Variants in FAM135B observed in about 807,000 individuals in gnomAD.
FAM135B encodes the protein family with sequence similarity 135 member B, also known as protein FAM135B.
Under a neutral mutation model 127.7 loss-of-function variants are expected in FAM135B, and 43 were observed. That is an observed-to-expected ratio of 0.34 (90% CI 0.26 to 0.43). The LOEUF (loss-of-function observed/expected upper bound fraction) is 0.43, where lower values mean the gene tolerates loss of function less well. Among genes scored for constraint, FAM135B ranks in the 20% least tolerant of loss-of-function variants. The pLI, the probability that FAM135B is intolerant of heterozygous loss-of-function variation, is 1.00. For synonymous variants in FAM135B, 670 were observed against 665.1 expected (o/e 1.01, Z -0.11); for missense variants, 1,558 against 1,725.6 (o/e 0.90, Z 1.72).
chr8:138,346,423 C>T (rs1340744599), intron 2 of FAM135B, among the ~76,000 whole-genome samples: 1 of 152,154 alleles, frequency 6.6e-6, no homozygotes, highest in African/African-American at 2.4e-5. Flanking sequence ...AACCCAAATG[C>T]CAATCAATGA....
intron 9 of FAM135B, among the ~76,000 whole-genome samples, chr8:138,183,093 G>A (rs907850790): frequency 2.7e-5 from 4 of 146,024 alleles, no homozygotes; most frequent in Non-Finnish European, 4.5e-5. Context: ...ATCCACCCAG[G>A]TGCCCTCTCC....
At chr8:138,443,952 G>A (rs895310270) in intron 1 of FAM135B, among the ~76,000 whole-genome samples, 6 of 152,254 alleles carry the variant, frequency 3.9e-5, no homozygotes, top group African/African-American at 1.2e-4. Flanking sequence ...AAGGGATGGA[G>A]GAAGATCTAC....
intron 1 of FAM135B, among the ~76,000 whole-genome samples, chr8:138,375,184 T>C (rs952677825): frequency 3.3e-5 from 5 of 152,016 alleles, no homozygotes; most frequent in African/African-American, 1.2e-4. Flanking sequence ...ACTAGCAGAA[T>C]GCATCTATGC....
chr8:138,247,493 T>C (rs7843355), intron 6 of FAM135B, among the ~76,000 whole-genome samples: 102,906 of 151,788 alleles, frequency 0.68, 35,707 homozygotes, highest in African/African-American at 0.8. Flanking sequence ...TGAAGAAGGA[T>C]GTGTTTACTT....
At chr8:138,191,979 C>A (rs34586743) in intron 9 of FAM135B, among the ~76,000 whole-genome samples, 5 of 152,184 alleles carry the variant, frequency 3.3e-5, no homozygotes, top group African/African-American at 1.2e-4. Flanking sequence ...GAGGGCTCAG[C>A]GTCACAGGGA....
At chr8:138,225,261 T>C (rs907156353) in intron 7 of FAM135B, among the ~76,000 whole-genome samples, 4 of 151,968 alleles carry the variant, frequency 2.6e-5, no homozygotes, top group African/African-American at 9.7e-5. Flanking sequence ...GAAAATTAGA[T>C]TGAAGAACAA....
At chr8:138,264,697 T>C (rs1326773362) in intron 4 of FAM135B, among the ~76,000 whole-genome samples, 1 of 152,070 alleles carries the variant, frequency 6.6e-6, no homozygotes, top group Admixed American at 6.5e-5. Context: ...ATAGATAGGT[T>C]AAGGAATAAA....
chr8:138,278,891 C>T (rs1183944925), intron 3 of FAM135B, among the ~76,000 whole-genome samples: 1 of 152,136 alleles, frequency 6.6e-6, no homozygotes, highest in African/African-American at 2.4e-5. Context: ...ATGCCTGTGA[C>T]TCACTATACA....
At chr8:138,142,398 G>A (rs1817269784) in intron 16 of FAM135B, among the ~76,000 whole-genome samples, 1 of 144,102 alleles carries the variant, frequency 6.9e-6, no homozygotes, top group Admixed American at 7.4e-5. Context: ...CTGCCTCCCA[G>A]GTTCACGCCA....
intron 12 of FAM135B, among the ~76,000 whole-genome samples, chr8:138,154,374 G>C (rs1818491252): frequency 6.6e-6 from 1 of 152,186 alleles, no homozygotes; most frequent in Admixed American, 6.5e-5. Flanking sequence ...AAAAATCAGA[G>C]TGCCTCTTCT....
intron 1 of FAM135B, chr8:138,437,549 A>C (rs536074413): frequency 1.3e-5 from 2 of 152,170 alleles, no homozygotes; most frequent in Non-Finnish European, 2.9e-5. Context: ...CTCCCCAGCC[A>C]TGCTGAACTG....
chr8:138,227,716 T>C (rs1242621861), intron 7 of FAM135B, among the ~76,000 whole-genome samples: 5 of 84,828 alleles, frequency 5.9e-5, no homozygotes, highest in Admixed American at 1.2e-4. Context: ...TTGTCTCTCT[T>C]TTTTTTTTTT....
intron 12 of FAM135B, among the ~76,000 whole-genome samples, chr8:138,154,506 A>G (rs183755659): frequency 6.6e-6 from 1 of 152,158 alleles, no homozygotes; most frequent in African/African-American, 2.4e-5. Flanking sequence ...AGGCCAAAGG[A>G]GGATGTTCAA....
At chr8:138,301,899 T>A (rs1205454654) in intron 3 of FAM135B, among the ~76,000 whole-genome samples, 1 of 152,116 alleles carries the variant, frequency 6.6e-6, no homozygotes, top group Non-Finnish European at 1.5e-5. Context: ...GAAGACAACA[T>A]CGCAGCTGGG....
chr8:138,178,627 G>T lies in FAM135B; in HGVS notation c.937C>A (p.His313Asn), dbSNP rs778377238. The change falls in exon 10 of 20, where the codon CAC (histidine) becomes AAC (asparagine). Residue 313 changes from histidine to asparagine, a missense_variant. Coordinates refer to ENST00000395297, the MANE Select transcript of FAM135B (RefSeq NM_015912.4). ...AACTGGGTCCACAGAGTCATCATGTGGGACGTGAGCCAGGCCAGATCCTTG... is the reference window on the plus strand; with the variant it reads ...AACTGGGTCCACAGAGTCATCATGTTGGACGTGAGCCAGGCCAGATCCTTG... ...ISKDLAWLTS[H>N]MMTLWTQFLD... The T allele has an allele frequency of 6.2e-7, 1 of 1,613,988 alleles. No homozygotes were observed. The highest frequency in any genetic ancestry group is 1.3e-5 in the African/African-American group (1 of 74,894).
chr8:138,343,085 G>A (rs1168947100), intron 2 of FAM135B, among the ~76,000 whole-genome samples: 1 of 152,196 alleles, frequency 6.6e-6, no homozygotes, highest in Non-Finnish European at 1.5e-5. Flanking sequence ...TTAAAAGCTT[G>A]TCCCATGACG....
At position 138,148,519 on chromosome 8, in the gene FAM135B, C is replaced by A; in HGVS notation, c.3448+1G>T. On this transcript the variant is annotated splice_donor_variant, in intron 14 of 19. Coordinates refer to ENST00000395297, the MANE Select transcript of FAM135B (RefSeq NM_015912.4). LOFTEE classifies it high-confidence loss of function. Reference sequence around the variant, plus strand: ...GGAAGAAAACTTGTTTTAGAACTCACCATCCAGGCCATGGACACAGACAAC... The same window carrying A: ...GGAAGAAAACTTGTTTTAGAACTCAACATCCAGGCCATGGACACAGACAAC... 6.2e-7 allele frequency: 1 copy of A among 1,613,248 alleles called. No individual in the cohort carries two copies. Among genetic ancestry groups the A allele is most frequent in the Non-Finnish European group, 8.5e-7 (1 of 1,179,654 alleles).
intron 2 of FAM135B, among the ~76,000 whole-genome samples, chr8:138,340,158 C>T (rs868630692): frequency 1.6e-4 from 25 of 152,328 alleles, no homozygotes; most frequent in Non-Finnish European, 2.9e-4. Context: ...AGGTCCAAAA[C>T]TCACATCCAG....
chr8:138,190,394 C>T (rs913054376), intron 9 of FAM135B, among the ~76,000 whole-genome samples: 1 of 152,136 alleles, frequency 6.6e-6, no homozygotes, highest in Non-Finnish European at 1.5e-5. Flanking sequence ...GCACAGCTGA[C>T]CAGCAAATTA....
Sources: gnomAD v4.1 joint callset for allele counts (sites outside exome capture counted in the v4.1 genomes callset) on GRCh38, gnomAD v4.1.1 for gene constraint, MANE v1.5 for transcripts, NCBI Gene and HGNC (gene_info 2026-07-23, HGNC 2026-07-21) for gene names.